Variants in CSMD1 observed in about 807,000 individuals in gnomAD.
The protein encoded by CSMD1 is CUB and sushi domain-containing protein 1.
A neutral mutation model predicts 417.5 loss-of-function variants in CSMD1; 213 were observed. That is an observed-to-expected ratio of 0.51 (90% CI 0.46 to 0.57). The LOEUF (loss-of-function observed/expected upper bound fraction) is 0.57, where lower values mean the gene tolerates loss of function less well. Ranked by LOEUF, CSMD1 falls within the 20% of genes least tolerant of loss-of-function variation. CSMD1 has a pLI of 0.00. For missense variants in CSMD1, 6,923 were observed against 4,529.7 expected (o/e 1.53, Z -15.17); for synonymous variants, 2,862 against 1,736.8 (o/e 1.65, Z -16.11).
rs112452751 is a variant in CSMD1, at chr8:4,542,225, T to C, written c.302+95117A>G. Among the ~76,000 whole-genome samples the C allele has an allele frequency of 2.6e-3, 397 of 152,258 alleles. 3 individuals carry two copies. The highest frequency in any genetic ancestry group is 9.0e-3 in the African/African-American group (372 of 41,556). ...TAAAAATATGGCACAACTTGTTTCA[T>C]GGAAGAAAGAATCAAGTTAAAATAC... On this transcript the variant is annotated intron_variant, in intron 2 of 69. Transcript: ENST00000635120.
At chr8:4,506,345 C>A (rs560391934) in intron 2 of CSMD1, among the ~76,000 whole-genome samples, 5 of 152,016 alleles carry the variant, frequency 3.3e-5, no homozygotes, top group South Asian at 4.2e-4. Flanking sequence ...TGGGTTAGAC[C>A]GTAGCACCCA....
chr8:3,971,461 A>G (rs2554624), intron 5 of CSMD1, among the ~76,000 whole-genome samples: 77,708 of 152,022 alleles, frequency 0.51, 20,159 homozygotes, highest in East Asian at 0.73. Context: ...GACTAATGCA[A>G]TTGCAAGTTG....
chr8:3,998,195 C>A (rs1016238460), intron 4 of CSMD1, 85 bp from the exon 5 acceptor site: 1 of 1,229,834 alleles, frequency 8.1e-7, no homozygotes, highest in Non-Finnish European at 1.1e-6. Flanking sequence ...CACTCTTGAT[C>A]AGCGACAAAT....
chr8:4,221,112 G>C (rs1801005072), intron 3 of CSMD1, among the ~76,000 whole-genome samples: 1 of 152,076 alleles, frequency 6.6e-6, no homozygotes, highest in Non-Finnish European at 1.5e-5. Flanking sequence ...GAATACAACG[G>C]ACAAGACAGA....
At chr8:4,869,641 TCTG>T (rs1370661830) in intron 1 of CSMD1, among the ~76,000 whole-genome samples, 2 of 152,086 alleles carry the variant, frequency 1.3e-5, no homozygotes, top group Admixed American at 6.5e-5. Context: ...TCTTATATTC[TCTG>T]CTAATACAGA....
At chr8:3,577,444 A>T (rs534818215) in intron 9 of CSMD1, among the ~76,000 whole-genome samples, 1 of 152,260 alleles carries the variant, frequency 6.6e-6, no homozygotes, top group South Asian at 2.1e-4. Flanking sequence ...TCTTTGCAAC[A>T]TATTTTAATA....
At chr8:4,779,611 G>T (rs112909662) in intron 1 of CSMD1, among the ~76,000 whole-genome samples, 1 of 152,188 alleles carries the variant, frequency 6.6e-6, no homozygotes, top group Non-Finnish European at 1.5e-5. Context: ...TTAGCTGTAC[G>T]CCTCCAGCAC....
chr8:3,943,620 C>T (rs1441842113), intron 5 of CSMD1, among the ~76,000 whole-genome samples: 2 of 151,880 alleles, frequency 1.3e-5, no homozygotes, highest in African/African-American at 2.4e-5. Flanking sequence ...CCCCATGTAA[C>T]CAAGAGATCA....
intron 10 of CSMD1, among the ~76,000 whole-genome samples, chr8:3,563,676 G>A (rs1259323429): frequency 6.6e-6 from 1 of 152,028 alleles, no homozygotes; most frequent in African/African-American, 2.4e-5. Context: ...GGATCATGAG[G>A]TCAGGAGTTC....
chr8:4,165,631 T>C (rs534854909), intron 3 of CSMD1, among the ~76,000 whole-genome samples: 106 of 152,254 alleles, frequency 7.0e-4, no homozygotes, highest in African/African-American at 2.0e-3. Flanking sequence ...TTGAACTCCT[T>C]GACACAAGGG....
At chr8:3,638,490 G>A (rs934995488) in intron 7 of CSMD1, among the ~76,000 whole-genome samples, 6 of 152,018 alleles carry the variant, frequency 3.9e-5, no homozygotes, top group Non-Finnish European at 7.4e-5. Context: ...GAGACGTGAT[G>A]ATAATGATGA....
chr8:4,209,309 T>C (rs1647315), intron 3 of CSMD1, among the ~76,000 whole-genome samples: 39,707 of 152,074 alleles, frequency 0.26, 5,663 homozygotes, highest in African/African-American at 0.37. Flanking sequence ...GTGGTTCCCA[T>C]CTATGAGACA....
At chr8:2,960,961 T>TATATATATATATATATATAC (rs1408815262) in intron 62 of CSMD1, among the ~76,000 whole-genome samples, 180 bp downstream of exon 62, 34 of 130,852 alleles carry the variant, frequency 2.6e-4, no homozygotes, top group East Asian at 1.7e-3. Context: ...TATATATATA[T>TATATATATATATATATATAC]ATATACATAT....
At chr8:3,111,368 A>AC (rs1392982455) in intron 42 of CSMD1, among the ~76,000 whole-genome samples, 1 of 49,004 alleles carries the variant, frequency 2.0e-5, no homozygotes, top group Admixed American at 3.5e-4. Flanking sequence ...AAGGGACTGT[A>AC]TGTAGAGACT....
At chr8:4,470,751 G>A (rs1468195404) in intron 2 of CSMD1, among the ~76,000 whole-genome samples, 1 of 152,184 alleles carries the variant, frequency 6.6e-6, no homozygotes, top group Non-Finnish European at 1.5e-5. Context: ...CACCATGAAT[G>A]ACTTAATTGG....
At chr8:4,019,499 A>G (rs1388442641) in intron 4 of CSMD1, among the ~76,000 whole-genome samples, 2 of 152,162 alleles carry the variant, frequency 1.3e-5, no homozygotes, top group African/African-American at 4.8e-5. Flanking sequence ...GGCCCATTGC[A>G]TGAATGTGAA....
In CSMD1 at chr8:3,592,222, G is replaced by C. The variant is rs147477120; in HGVS notation, c.1098-5962C>G. 2.0e-3 allele frequency among the ~76,000 whole-genome samples: 299 copies of C among 152,128 alleles called. 1 individual carries two copies. Among genetic ancestry groups the C allele is most frequent in the African/African-American group, 7.1e-3 (295 of 41,534 alleles). The stretch of plus-strand genomic sequence containing the variant: ...GGACAGAAAGATAAACAAGTGGATA[G>C]ATAGATACATAGATGGATAGATAGC... On this transcript the variant is annotated intron_variant, in intron 8 of 69. Transcript: ENST00000635120.
chr8:3,802,787 T>G (rs1367927177), intron 5 of CSMD1, among the ~76,000 whole-genome samples: 1 of 152,206 alleles, frequency 6.6e-6, no homozygotes, highest in Admixed American at 6.5e-5. Context: ...TAGCTCCCTT[T>G]GCTTTAACTA....
chr8:4,544,918 GA>G (rs1251773642), intron 2 of CSMD1, among the ~76,000 whole-genome samples: 1 of 152,166 alleles, frequency 6.6e-6, no homozygotes, highest in Admixed American at 6.5e-5. Flanking sequence ...CACTTACATT[GA>G]AATTCAGAAA....
Sources: gnomAD v4.1 joint callset for allele counts (sites outside exome capture counted in the v4.1 genomes callset) on GRCh38, gnomAD v4.1.1 for gene constraint, MANE v1.5 for transcripts, NCBI Gene and HGNC (gene_info 2026-07-23, HGNC 2026-07-21) for gene names.